Variants in C14orf39 observed in about 807,000 individuals in gnomAD.
C14orf39 encodes the protein protein SIX6OS1.
C14orf39 carries 66 observed loss-of-function variants against 85.6 expected under a neutral mutation model. The ratio of observed to expected loss-of-function variants is 0.77; its 90% CI spans 0.63 to 0.95. The LOEUF is 0.95. Ranked by LOEUF, C14orf39 falls within the 40% of genes least tolerant of loss-of-function variation. The probability of loss-of-function intolerance (pLI) is 0.00; values close to 1 mark genes in which losing one functional copy is unlikely to be tolerated. For missense variants in C14orf39, 735 were observed against 663.9 expected (o/e 1.11, Z -1.18); for synonymous variants, 242 against 214.0 (o/e 1.13, Z -1.14).
chr14:60,487,269 C>A (rs1892912161), upstream of C14orf39, among the ~76,000 whole-genome samples: 1 of 152,170 alleles, frequency 6.6e-6, no homozygotes. Context: ...CAACATATTT[C>A]CTCATTCCCA....
chr14:60,474,127 C>G (rs1288924504), intron 5 of C14orf39, among the ~76,000 whole-genome samples: 2 of 152,054 alleles, frequency 1.3e-5, no homozygotes, highest in African/African-American at 4.8e-5. Context: ...CATATCCCTT[C>G]TAAGTTGGAT....
chr14:60,444,763 T>C lies in C14orf39; in HGVS notation c.1504-2632A>G, dbSNP rs545020271. ...CACATAATTGTCAGATTCACCAAGA[T>C]TGAAATGAAGGAAACAATGTTAAGG... is the stretch of plus-strand genomic sequence containing the variant. On this transcript the variant is annotated intron_variant, in intron 16 of 17. Coordinates refer to ENST00000321731, the MANE Select transcript of C14orf39 (RefSeq NM_174978.3). Among the ~76,000 whole-genome samples, 7 of 151,976 alleles carry C rather than the reference T, an allele frequency of 4.6e-5. No individual in the cohort carries two copies. In the South Asian group the frequency reaches 1.0e-3, roughly 23 times the overall value.
intron 16 of C14orf39, among the ~76,000 whole-genome samples, chr14:60,447,007 A>T (rs367914708): frequency 3.3e-5 from 5 of 152,030 alleles, no homozygotes; most frequent in East Asian, 3.9e-4. Context: ...CACCCCTTCA[A>T]GCTAAAAACT....
intron 1 of C14orf39, chr14:60,509,778 A>G (rs556168853): frequency 4.3e-6 from 7 of 1,613,064 alleles, no homozygotes; most frequent in Non-Finnish European, 5.9e-6. Context: ...ACCATTTGGG[A>G]CGGCGAACAG....
intron 1 of C14orf39, among the ~76,000 whole-genome samples, chr14:60,514,885 G>T (rs1332625464): frequency 2.0e-5 from 3 of 152,108 alleles, no homozygotes; most frequent in Non-Finnish European, 2.9e-5. Context: ...GGCCGTGAAT[G>T]GGGGGTCTGT....
At chr14:60,490,959 T>C (rs985493083), upstream of C14orf39, among the ~76,000 whole-genome samples, 3 of 152,202 alleles carry the variant, frequency 2.0e-5, no homozygotes, top group Non-Finnish European at 2.9e-5. Flanking sequence ...AAGAAGCCTA[T>C]GACACATAAA....
chr14:60,497,682 C>T (rs1230589216), intron 2 of C14orf39, among the ~76,000 whole-genome samples: 1 of 152,100 alleles, frequency 6.6e-6, no homozygotes, highest in Non-Finnish European at 1.5e-5. Context: ...TCGAAACTAG[C>T]CTAGCCCACA....
intron 15 of C14orf39, among the ~76,000 whole-genome samples, chr14:60,455,898 A>G (rs1382584544): frequency 6.6e-6 from 1 of 152,156 alleles, no homozygotes; most frequent in Non-Finnish European, 1.5e-5. Flanking sequence ...TGATACTGCC[A>G]TAACTATCTC....
chr14:60,450,671 G>A, intron 16 of C14orf39, among the ~76,000 whole-genome samples: 1 of 152,166 alleles, frequency 6.6e-6, no homozygotes, highest in East Asian at 1.9e-4. Flanking sequence ...AGTGAACACA[G>A]CGGGTAGCCA....
intron 9 of C14orf39, 72 bp from the exon 10 acceptor site, chr14:60,467,116 AT>A: frequency 1.4e-6 from 1 of 716,408 alleles, no homozygotes; most frequent in Non-Finnish European, 1.9e-6. Context: ...TAGGAGGCAT[AT>A]TTAGATACTA....
Position 60,455,057 on chromosome 14 carries a change from G to C in C14orf39, c.1447C>G (p.Pro483Ala). ...GAAGAATCAAATAAATTCAATCCAG[G>C]TGATCTAGAAGTATAACTCATAAGA... The part of the protein sequence containing the change: ...SFLMSYTSRS[P>A]GLNLFDSSVF... Residue 483 changes from proline to alanine, a missense_variant, in exon 16 of 18, where the codon CCT (proline) becomes GCT (alanine). Physicochemically the swap from Pro to Ala is conservative, Grantham distance 27 (BLOSUM62 -1). Transcript: ENST00000321731. 2 of 1,579,892 alleles carry C rather than the reference G, an allele frequency of 1.3e-6. No individual in the cohort carries two copies. Among genetic ancestry groups the C allele is most frequent in the South Asian group, 2.3e-5 (2 of 85,312 alleles).
At chr14:60,473,903 T>C (rs1892235619) in intron 5 of C14orf39, among the ~76,000 whole-genome samples, 1 of 152,196 alleles carries the variant, frequency 6.6e-6, no homozygotes, top group African/African-American at 2.4e-5. Flanking sequence ...TGTGGTTCCA[T>C]ATGAACTTTA....
intron 8 of C14orf39, among the ~76,000 whole-genome samples, chr14:60,469,020 T>C (rs925761944): frequency 1.3e-5 from 2 of 151,436 alleles, no homozygotes; most frequent in Admixed American, 6.6e-5. Context: ...TTATCATAGC[T>C]ATGTAAATAA....
intron 5 of C14orf39, among the ~76,000 whole-genome samples, chr14:60,474,828 G>T (rs544377631): frequency 2.2e-3 from 328 of 152,106 alleles, no homozygotes; most frequent in African/African-American, 7.5e-3. Flanking sequence ...GATTTTTGCA[G>T]GGATGTTCAT....
rs1891824435 is a variant in C14orf39, at chr14:60,466,995, T to G, written c.817A>C (p.Ser273Arg). 6.8e-7 allele frequency: 1 copy of G among 1,470,092 alleles called. No homozygotes were observed. The highest frequency in any genetic ancestry group is 1.5e-5 in the African/African-American group (1 of 68,514). The allele number at this position is 1,470,092 out of a possible 1,614,324, so 91.1% of individuals were successfully genotyped here. ...GATTCATAAGGAAGAAATAATTGAC[T>G]GCTTTGAGTTTTATTCAATGTAAGT... Reference protein sequence around the residue: ...HVLTLNKTQSSQLFLPYESQK... With the variant: ...HVLTLNKTQSRQLFLPYESQK... The change falls in exon 10 of 18, where the codon AGT becomes CGT. Residue 273 changes from serine to arginine, a missense_variant. Ser to Arg is a moderately radical substitution (Grantham distance 110, BLOSUM62 -1). Coordinates refer to ENST00000321731, the MANE Select transcript of C14orf39 (RefSeq NM_174978.3).
intron 1 of C14orf39, among the ~76,000 whole-genome samples, chr14:60,514,901 G>T (rs1482472093): frequency 2.0e-5 from 3 of 152,312 alleles, no homozygotes; most frequent in Admixed American, 6.5e-5. Context: ...TCTGTGGAGC[G>T]GCCGGCGGGG....
chr14:60,506,569 T>C (rs1403796805), intron 1 of C14orf39, among the ~76,000 whole-genome samples: 1 of 152,200 alleles, frequency 6.6e-6, no homozygotes, highest in African/African-American at 2.4e-5. Context: ...GGTGAACAAA[T>C]AAGTGATTCC....
chr14:60,504,251 A>G (rs1324018377), intron 1 of C14orf39, among the ~76,000 whole-genome samples: 2 of 152,222 alleles, frequency 1.3e-5, no homozygotes, highest in African/African-American at 4.8e-5. Context: ...GATCAACTCA[A>G]AGAATTTAAG....
chr14:60,494,073 G>T (rs1799278533), intron 2 of C14orf39: 1 of 280,174 alleles, frequency 3.6e-6, no homozygotes, highest in South Asian at 5.0e-5. Context: ...GTTCTTCATG[G>T]CAAGGCCACC....
Sources: allele counts gnomAD v4.1 joint callset (sites outside exome capture counted in the v4.1 genomes callset), GRCh38; gene constraint gnomAD v4.1.1; transcripts MANE v1.5; gene names NCBI Gene and HGNC (gene_info 2026-07-23, HGNC 2026-07-21).